The following CEP85L variants were observed in gnomAD, a reference collection of about 807,000 sequenced individuals.
CEP85L encodes the protein centrosomal protein 85L.
CEP85L carries 60 observed loss-of-function variants against 100.3 expected under a neutral mutation model. That is an observed-to-expected ratio of 0.60 (90% confidence interval 0.49 to 0.74). The LOEUF (loss-of-function observed/expected upper bound fraction) is 0.74. CEP85L is among the 30% of genes least tolerant of loss of function. The pLI, the probability that CEP85L is intolerant of heterozygous loss-of-function variation, is 0.00. For missense variants in CEP85L, 973 were observed against 936.2 expected (o/e 1.04, Z -0.51); for synonymous variants, 319 against 322.7 (o/e 0.99, Z 0.12).
chr6:118,693,518 A>G (rs1456870450), intron 1 of CEP85L, among the ~76,000 whole-genome samples: 1 of 152,238 alleles, frequency 6.6e-6, no homozygotes, highest in Non-Finnish European at 1.5e-5. Flanking sequence ...CTTATGATAC[A>G]GAAGATCTAT....
chr6:118,547,780 CCTT>C (rs1356811556), intron 3 of CEP85L, among the ~76,000 whole-genome samples: 4 of 151,980 alleles, frequency 2.6e-5, no homozygotes, highest in African/African-American at 4.8e-5. Context: ...TTCTCATACT[CCTT>C]CTCCCATACA....
intron 5 of CEP85L, among the ~76,000 whole-genome samples, chr6:118,503,087 T>C (rs1165273672): frequency 6.6e-6 from 1 of 152,190 alleles, no homozygotes; most frequent in Non-Finnish European, 1.5e-5. Flanking sequence ...GAACTAATTA[T>C]AGCAAGGTTA....
At chr6:118,672,786 A>AGGAGGAGGAGGAG (rs1554243595) in intron 1 of CEP85L, among the ~76,000 whole-genome samples, 4 of 149,592 alleles carry the variant, frequency 2.7e-5, no homozygotes, top group African/African-American at 1.0e-4. Flanking sequence ...AGAAGAAAGA[A>AGGAGGAGGAGGAG]GAAGGAGGAG....
intron 1 of CEP85L, among the ~76,000 whole-genome samples, chr6:118,697,669 C>T (rs1040546351): frequency 2.0e-5 from 3 of 152,124 alleles, no homozygotes; most frequent in Non-Finnish European, 4.4e-5. Flanking sequence ...AGAGAGGTGG[C>T]GGTGTGGCAT....
At chr6:118,535,902 A>T (rs546974403) in intron 3 of CEP85L, among the ~76,000 whole-genome samples, 2 of 152,274 alleles carry the variant, frequency 1.3e-5, no homozygotes, top group South Asian at 4.1e-4. Context: ...GGACTACTGT[A>T]TACATTCTTC....
intron 5 of CEP85L, among the ~76,000 whole-genome samples, chr6:118,498,302 T>C (rs1297349925): frequency 6.6e-6 from 1 of 152,224 alleles, no homozygotes; most frequent in East Asian, 1.9e-4. Context: ...GAGACCAGCC[T>C]AGGCAACATA....
intron 5 of CEP85L, among the ~76,000 whole-genome samples, chr6:118,500,540 CT>C (rs749774023): frequency 2.0e-4 from 14 of 70,012 alleles, no homozygotes; most frequent in Non-Finnish European, 4.4e-4. Flanking sequence ...CCCTCTCTTT[CT>C]CGTTATCTCT....
chr6:118,499,452 T>A (rs1233770202), intron 5 of CEP85L, among the ~76,000 whole-genome samples: 9 of 151,898 alleles, frequency 5.9e-5, no homozygotes, highest in African/African-American at 2.2e-4. Context: ...GATCACAAGG[T>A]CAGGAGTTTG....
intron 1 of CEP85L, among the ~76,000 whole-genome samples, chr6:118,650,712 C>A (rs1447460677): frequency 6.6e-6 from 1 of 152,194 alleles, no homozygotes; most frequent in Non-Finnish European, 1.5e-5. Context: ...CGGGCGTGGG[C>A]ACAGCCAACC....
intron 10 of CEP85L, among the ~76,000 whole-genome samples, chr6:118,473,565 GA>G (rs55862743): frequency 0.14 from 20,587 of 149,088 alleles, 1,792 homozygotes; most frequent in Non-Finnish European, 0.19. Flanking sequence ...TTTTATTCTG[GA>G]AAAAAAAAAT....
At chr6:118,704,708 T>C (rs9489506) in intron 1 of CEP85L, among the ~76,000 whole-genome samples, 35 of 152,248 alleles carry the variant, frequency 2.3e-4, no homozygotes, top group African/African-American at 7.9e-4. Context: ...TGACTTCAAG[T>C]GATCCTCCTG....
chr6:118,491,196 TACAC>T (rs1160030823), intron 6 of CEP85L, among the ~76,000 whole-genome samples: 9,109 of 116,162 alleles, frequency 0.078, 348 homozygotes, highest in Middle Eastern at 0.11. Context: ...CCAACATCTA[TACAC>T]ACACACACAC....
At chr6:118,653,204 A>C (rs1367438250), upstream of CEP85L, among the ~76,000 whole-genome samples, 3 of 152,214 alleles carry the variant, frequency 2.0e-5, no homozygotes, top group Non-Finnish European at 2.9e-5. Flanking sequence ...GCTACTACAC[A>C]CAAAAAAAGT....
intron 3 of CEP85L, chr6:118,558,883 G>T: frequency 6.4e-7 from 1 of 1,560,924 alleles, no homozygotes; most frequent in South Asian, 1.1e-5. Context: ...TCTTTCTCTC[G>T]ACCACTTAAA....
intron 2 of CEP85L, among the ~76,000 whole-genome samples, chr6:118,574,251 T>C (rs1176611930): frequency 5.9e-5 from 9 of 152,190 alleles, no homozygotes; most frequent in East Asian, 1.9e-4. Flanking sequence ...TCTTAGCAAA[T>C]TGCATGTTCA....
chr6:118,490,702 A>G (rs1373736129), intron 6 of CEP85L, among the ~76,000 whole-genome samples: 1 of 152,228 alleles, frequency 6.6e-6, no homozygotes, highest in African/African-American at 2.4e-5. Flanking sequence ...CCAAATATCT[A>G]TCAACAGGAG....
In CEP85L at chr6:118,566,043, C is replaced by T; in HGVS notation, c.506G>A (p.Gly169Asp). 1 of 1,614,174 alleles carries T rather than the reference C, an allele frequency of 6.2e-7. No individual in the cohort carries two copies. Among genetic ancestry groups the T allele is most frequent in the South Asian group, 1.1e-5 (1 of 91,078 alleles). ...TTCTCTGCATACAGTGCCACCCTGG[C>T]CACAGTTATCCGGGGCAGTGAGTTT... ...LSKLTAPDNCGQGGTVCREES... is the reference protein window; with the variant it reads ...LSKLTAPDNCDQGGTVCREES... The change falls in exon 3 of 13, where the codon GGC (glycine) becomes GAC (aspartate). Residue 169 changes from glycine to aspartate, a missense_variant. Around this residue, in one of 3 missense-constraint regions of CEP85L, gnomAD observed 890 missense variants for 844.5 expected, o/e 1.05. Transcript: ENST00000368491.
Position 118,483,735 on chromosome 6 carries a change from G to GACAACTCT in CEP85L, c.1560_1561insAGAGTTGT (p.Leu521ArgfsTer4). ...AGACTCTGACTCTGTACATCATCTA[G>GACAACTCT]AGTTGGAAGATCAGCCAGATACTTT... On this transcript the variant is annotated frameshift_variant, in exon 7 of 13. Coordinates refer to ENST00000368491, the MANE Select transcript of CEP85L (RefSeq NM_001042475.3). LOFTEE classifies it high-confidence loss of function. 6.2e-7 allele frequency: 1 copy of GACAACTCT among 1,613,696 alleles called. No individual in the cohort carries two copies. The highest frequency in any genetic ancestry group is 8.5e-7 in the Non-Finnish European group (1 of 1,179,818).
intron 2 of CEP85L, among the ~76,000 whole-genome samples, chr6:118,601,873 T>C (rs1001008401): frequency 5.3e-5 from 8 of 152,196 alleles, no homozygotes; most frequent in African/African-American, 1.7e-4. Flanking sequence ...GCTCCTTTAC[T>C]GCAACATGTT....
Sources: gnomAD v4.1 joint callset for allele counts (sites outside exome capture counted in the v4.1 genomes callset) on GRCh38, gnomAD v4.1.1 for gene constraint, gnomAD v4.1.1 regional missense constraint, MANE v1.5 for transcripts, NCBI Gene and HGNC (gene_info 2026-07-23, HGNC 2026-07-21) for gene names.